Variants in CHM observed in about 807,000 individuals in gnomAD.
CHM encodes the protein CHM Rab escort protein.
A neutral mutation model predicts 49.0 loss-of-function variants in CHM; 10 were observed. That is an observed-to-expected ratio of 0.20 (90% confidence interval 0.13 to 0.35). CHM has a LOEUF of 0.35. Ranked by LOEUF, CHM falls within the 10% of genes least tolerant of loss-of-function variation. CHM has a pLI of 1.00. For missense variants in CHM, 455 were observed against 478.4 expected (o/e 0.95, Z 0.46); for synonymous variants, 184 against 167.5 (o/e 1.10, Z -0.76).
chrX:85,913,332 A>AGAAAGAAAG (rs1556281327), intron 8 of CHM, among the ~76,000 whole-genome samples: 5 of 23,400 alleles, frequency 2.1e-4, no homozygotes, highest in African/African-American at 2.8e-4. Flanking sequence ...AAAAAAAAAA[A>AGAAAGAAAG]AAAGAAAGAA....
At chrX:85,998,077 T>C (rs1284203528) in intron 2 of CHM, among the ~76,000 whole-genome samples, 3 of 112,058 alleles carry the variant, frequency 2.7e-5, no homozygotes, top group Non-Finnish European at 3.8e-5. Flanking sequence ...TTGGGATGAA[T>C]TTTCTTTATA....
rs1348274628 is a variant in CHM at position 85,894,234 on chromosome X, C to T, written c.1464G>A (p.Arg488=). 11 of 1,210,524 alleles carry T rather than the reference C, an allele frequency of 9.1e-6. No individual in the cohort carries two copies. Among genetic ancestry groups the T allele is most frequent in the Non-Finnish European group, 1.1e-5 (10 of 894,822 alleles). ...PAEEPGTFAV[R]VIELCSSTMT... ...TCGTTGAAGAACATAACTCAATGAC[C>T]CGAACAGCAAAAGTTCCTGGTTCCT... The change falls in exon 12 of 15, where the codon CGG becomes CGA. Residue 488 remains arginine (R), a synonymous_variant. Coordinates refer to ENST00000357749, the MANE Select transcript of CHM (RefSeq NM_000390.4).
At chrX:85,917,780 A>G (rs757614321) in intron 8 of CHM, among the ~76,000 whole-genome samples, 1 of 105,436 alleles carries the variant, frequency 9.5e-6, no homozygotes, top group South Asian at 4.0e-4. Context: ...GGAAGCATAA[A>G]TAACAAAATA....
chrX:85,983,929 C>T (rs1169055056), intron 2 of CHM, among the ~76,000 whole-genome samples: 3 of 111,109 alleles, frequency 2.7e-5, no homozygotes, highest in African/African-American at 6.6e-5. Flanking sequence ...TGATCGGGCA[C>T]GGTGGTTCAT....
chrX:85,926,523 ATAGT>A (rs1394127010), intron 8 of CHM, among the ~76,000 whole-genome samples: 2 of 111,341 alleles, frequency 1.8e-5, no homozygotes, highest in African/African-American at 6.5e-5. Context: ...TGCCACGGTA[ATAGT>A]TAGCCTTACT....
intron 9 of CHM, among the ~76,000 whole-genome samples, chrX:85,904,038 T>TA (rs1250777045): frequency 1.8e-5 from 2 of 111,580 alleles, no homozygotes; most frequent in Non-Finnish European, 3.8e-5. Context: ...AAACAATGAA[T>TA]AAAAAAACAT....
In CHM at chrX:86,035,658, T is replaced by C. The variant is rs749255813; in HGVS notation, c.50-8101A>G. On this transcript the variant is annotated intron_variant, in intron 1 of 14. Coordinates refer to ENST00000357749, the MANE Select transcript of CHM (RefSeq NM_000390.4). Reference sequence around the variant, plus strand: ...TAGTTATGTTTAAAAAGGAGAGCCCTACACTTTTTGATATATGTTGGAATA... The same window carrying C: ...TAGTTATGTTTAAAAAGGAGAGCCCCACACTTTTTGATATATGTTGGAATA... Among the ~76,000 whole-genome samples the C allele has an allele frequency of 2.7e-5, 3 of 111,050 alleles. No homozygotes were observed. In the South Asian group the frequency reaches 1.2e-3, roughly 43 times the overall value.
intron 8 of CHM, among the ~76,000 whole-genome samples, chrX:85,921,188 T>A (rs766249911): frequency 8.9e-6 from 1 of 112,055 alleles, no homozygotes; most frequent in Non-Finnish European, 1.9e-5. Context: ...TACTTTACCA[T>A]GATTTTGGGG....
intron 8 of CHM, among the ~76,000 whole-genome samples, chrX:85,917,209 T>C (rs146077794): frequency 4.8e-4 from 53 of 111,489 alleles, no homozygotes; most frequent in African/African-American, 1.4e-3. Flanking sequence ...AACCAAATAC[T>C]ACTTGTTGTC....
intron 2 of CHM, among the ~76,000 whole-genome samples, chrX:86,021,124 A>G (rs1933557085): frequency 2.5e-5 from 1 of 39,732 alleles, no homozygotes; most frequent in Admixed American, 2.6e-4. Flanking sequence ...ATGTGTATAT[A>G]CGTATATATA....
Position 86,027,511 on chromosome X carries a change from C to T in CHM, c.96G>A (p.Arg32=), listed in dbSNP as rs1933877351. The change falls in exon 2 of 15, where the codon CGG becomes CGA. Residue 32 remains arginine, a synonymous_variant. Coordinates refer to ENST00000357749, the MANE Select transcript of CHM (RefSeq NM_000390.4). ...CTTACGAATCAACATGCAGAACTCT[C>T]CGGCCACTTCTTGAACATGCAGCTG... The part of the protein sequence containing the change: ...IIAAACSRSG[R]RVLHVDSRSY... 8.3e-7 allele frequency: 1 copy of T among 1,207,290 alleles called. No homozygotes were observed. The highest frequency in any genetic ancestry group is 1.8e-5 in the African/African-American group (1 of 56,990).
chrX:85,918,879 C>G (rs1055550185), intron 8 of CHM, among the ~76,000 whole-genome samples: 1 of 111,795 alleles, frequency 8.9e-6, no homozygotes, highest in African/African-American at 3.3e-5. Flanking sequence ...ATTCATAAAA[C>G]AAGTTCTTAG....
At chrX:85,896,122 A>G in intron 11 of CHM, among the ~76,000 whole-genome samples, 1 of 101,519 alleles carries the variant, frequency 9.9e-6, no homozygotes, top group Admixed American at 1.1e-4. Context: ...TCATCATTCT[A>G]TCTATACTGC....
At chrX:85,971,058 A>G (rs1262898784) in intron 4 of CHM, 2 of 611,145 alleles carry the variant, frequency 3.3e-6, no homozygotes, top group African/African-American at 2.5e-5. Flanking sequence ...TCAAAAAATA[A>G]CTATCCTATA....
intron 9 of CHM, among the ~76,000 whole-genome samples, chrX:85,906,911 ATCACCTGAGGTCAG>A (rs1193960985): frequency 2.2e-3 from 249 of 111,859 alleles, no homozygotes; most frequent in African/African-American, 7.8e-3. Flanking sequence ...AGGCCGGCTG[ATCACCTGAGGTCAG>A]GAGTTCGAGA....
intron 2 of CHM, among the ~76,000 whole-genome samples, chrX:85,982,115 T>G (rs1362840333): frequency 8.9e-6 from 1 of 111,954 alleles, no homozygotes; most frequent in Non-Finnish European, 1.9e-5. Flanking sequence ...GCAGGTAACA[T>G]GAATATATAT....
intron 4 of CHM, chrX:85,971,066 ATATATT>A: frequency 1.6e-6 from 1 of 607,326 alleles, no homozygotes; most frequent in Non-Finnish European, 2.0e-6. Flanking sequence ...TAACTATCCT[ATATATT>A]TATATTAGAA....
intron 2 of CHM, among the ~76,000 whole-genome samples, chrX:85,996,733 T>C (rs1032685838): frequency 8.9e-6 from 1 of 111,906 alleles, no homozygotes; most frequent in South Asian, 3.8e-4. Context: ...GTCACCCTTC[T>C]GCTCACCTAA....
chrX:85,894,747 G>A (rs575184516), intron 11 of CHM, among the ~76,000 whole-genome samples: 1 of 111,561 alleles, frequency 9.0e-6, no homozygotes, highest in African/African-American at 3.3e-5. Context: ...TTTCAGATAA[G>A]GGATACTCAA....
Sources: gnomAD v4.1 joint callset for allele counts (sites outside exome capture counted in the v4.1 genomes callset) on GRCh38, gnomAD v4.1.1 for gene constraint, MANE v1.5 for transcripts, NCBI Gene and HGNC (gene_info 2026-07-23, HGNC 2026-07-21) for gene names.